Variants in RBMS3 observed in about 807,000 individuals in gnomAD.
RBMS3 encodes RNA binding motif single stranded interacting protein 3.
RBMS3 carries 27 observed loss-of-function variants against 66.8 expected under a neutral mutation model. That is an observed-to-expected ratio of 0.40 (90% CI 0.30 to 0.56). The LOEUF is 0.56. Among genes scored for constraint, RBMS3 ranks in the 20% least tolerant of loss-of-function variants. The probability of loss-of-function intolerance (pLI) is 0.40; values close to 1 mark genes in which losing one functional copy is unlikely to be tolerated. For missense variants in RBMS3, 513 were observed against 549.5 expected, an observed-to-expected ratio of 0.93 and a Z score of 0.66; for synonymous variants, 188 against 183.0, an observed-to-expected ratio of 1.03 and a Z score of -0.22.
intron 3 of RBMS3, among the ~76,000 whole-genome samples, chr3:29,543,827 T>C (rs1234265703): frequency 6.6e-6 from 1 of 152,190 alleles, no homozygotes; most frequent in Non-Finnish European, 1.5e-5. Context: ...AACTATAAGG[T>C]ACATCGTTTT....
chr3:29,904,231 T>C (rs1347878667), intron 10 of RBMS3, among the ~76,000 whole-genome samples: 1 of 151,908 alleles, frequency 6.6e-6, no homozygotes, highest in African/African-American at 2.4e-5. Flanking sequence ...TCAAAAGAAG[T>C]GTATAGAGTA....
intron 2 of RBMS3, among the ~76,000 whole-genome samples, chr3:29,462,847 C>G (rs1206430368): frequency 6.6e-6 from 1 of 152,068 alleles, no homozygotes; most frequent in Admixed American, 6.5e-5. Context: ...AATGAAGTGG[C>G]AATTATAAAT....
At chr3:29,445,793 T>C (rs986459166) in intron 2 of RBMS3, among the ~76,000 whole-genome samples, 1 of 152,190 alleles carries the variant, frequency 6.6e-6, no homozygotes, top group East Asian at 1.9e-4. Flanking sequence ...TTTTATTTCT[T>C]ATCTGTTGTC....
At chr3:29,890,238 C>A (rs556565048) in intron 8 of RBMS3, among the ~76,000 whole-genome samples, 192 of 151,728 alleles carry the variant, frequency 1.3e-3, no homozygotes, top group African/African-American at 4.5e-3. Flanking sequence ...AGATGTCACA[C>A]AAATATATAC....
rs775991743 is a variant in RBMS3 at position 29,868,877 on chromosome 3, G to A, written c.657G>A (p.Leu219=). Residue 219 remains leucine, a synonymous_variant, in exon 7 of 15, where the codon CTG becomes CTA. Coordinates refer to ENST00000383767, the MANE Select transcript of RBMS3 (RefSeq NM_001003793.3). ...TCCCAGCCCCCAGTGAGCCTTTGCT[G>A]TGCAAATTCGCTGATGGAGGACAAA... The part of the protein sequence containing the change: ...PGIPAPSEPL[L]CKFADGGQKK... 6.2e-7 allele frequency: 1 copy of A among 1,600,626 alleles called. No individual in the cohort carries two copies. Among genetic ancestry groups the A allele is most frequent in the South Asian group, 1.1e-5 (1 of 88,576 alleles).
chr3:29,342,875 G>T (rs960453116), intron 1 of RBMS3, among the ~76,000 whole-genome samples: 1 of 152,072 alleles, frequency 6.6e-6, no homozygotes, highest in African/African-American at 2.4e-5. Flanking sequence ...ATACAAAAAA[G>T]CCAAATAAAT....
rs142999485 is a variant in RBMS3, at chr3:29,830,631, A to G, written c.638-38227A>G. Among the ~76,000 whole-genome samples the G allele has an allele frequency of 6.6e-3, 1,012 of 152,266 alleles. 9 individuals carry two copies. The highest frequency in any genetic ancestry group is 0.022 in the African/African-American group (914 of 41,564). The stretch of plus-strand genomic sequence containing the variant: ...TCCGTTGATGATAATTTTAGTACTT[A>G]ACTAAAAACCATGGTTTTTTGACTC... On this transcript the variant is annotated intron_variant, in intron 6 of 14. Coordinates refer to ENST00000383767, the MANE Select transcript of RBMS3 (RefSeq NM_001003793.3).
At chr3:29,892,874 G>A (rs1175873858) in intron 8 of RBMS3, among the ~76,000 whole-genome samples, 5 of 100,844 alleles carry the variant, frequency 5.0e-5, no homozygotes, top group African/African-American at 2.4e-4. Context: ...TATTTTTAAT[G>A]TGATGCCTGT....
At chr3:29,879,498 G>A (rs905286623) in intron 7 of RBMS3, among the ~76,000 whole-genome samples, 7 of 151,944 alleles carry the variant, frequency 4.6e-5, no homozygotes, top group Middle Eastern at 3.2e-3. Context: ...TAGCTTCTTG[G>A]ACTCAACTTG....
At chr3:29,547,556 A>AG (rs2046007799) in intron 3 of RBMS3, among the ~76,000 whole-genome samples, 1 of 152,064 alleles carries the variant, frequency 6.6e-6, no homozygotes, top group South Asian at 2.1e-4. Flanking sequence ...CCAATCCTTA[A>AG]TAGTATTATT....
At chr3:29,647,285 C>CT (rs1365485112) in intron 4 of RBMS3, among the ~76,000 whole-genome samples, 1 of 152,120 alleles carries the variant, frequency 6.6e-6, no homozygotes, top group African/African-American at 2.4e-5. Flanking sequence ...GGCCTCTTTT[C>CT]TTTTTTATCA....
At chr3:29,646,894 A>C (rs537686643) in intron 4 of RBMS3, among the ~76,000 whole-genome samples, 16 of 152,284 alleles carry the variant, frequency 1.1e-4, no homozygotes, top group African/African-American at 3.4e-4. Context: ...TATCTTGCAT[A>C]TGTATCTTCC....
In RBMS3 at chr3:29,909,991, T is replaced by G. The variant is rs969007564; in HGVS notation, c.939+10236T>G. ...ATCTCCAGTGTGTCCTTGGATAGTATTTAGAATTTCTTCATTACTTCATCA... is the reference window on the plus strand; with the variant it reads ...ATCTCCAGTGTGTCCTTGGATAGTAGTTAGAATTTCTTCATTACTTCATCA... On this transcript the variant is annotated intron_variant, in intron 10 of 14. Transcript: ENST00000383767. Among the ~76,000 whole-genome samples the G allele has an allele frequency of 6.6e-5, 10 of 152,140 alleles. 1 individual carries two copies. Among genetic ancestry groups the G allele is most frequent in the African/African-American group, 2.4e-4 (10 of 41,428 alleles).
intron 4 of RBMS3, among the ~76,000 whole-genome samples, chr3:29,725,302 C>T (rs561541769): frequency 1.1e-4 from 16 of 152,114 alleles, no homozygotes; most frequent in East Asian, 7.7e-4. Context: ...TTCTAACTTA[C>T]GAGTTTTTTA....
At chr3:29,447,132 C>T (rs1283419652) in intron 2 of RBMS3, among the ~76,000 whole-genome samples, 2 of 151,926 alleles carry the variant, frequency 1.3e-5, no homozygotes, top group South Asian at 2.1e-4. Flanking sequence ...AGGCTGGTCT[C>T]GAACTCCTGA....
chr3:29,851,511 A>G (rs1373656787), intron 6 of RBMS3, among the ~76,000 whole-genome samples: 2 of 152,200 alleles, frequency 1.3e-5, no homozygotes, highest in African/African-American at 4.8e-5. Flanking sequence ...GTTTCAACTC[A>G]AAAACAGGTA....
intron 1 of RBMS3, among the ~76,000 whole-genome samples, chr3:29,386,646 A>G (rs2039022507): frequency 2.0e-5 from 3 of 152,190 alleles, no homozygotes; most frequent in Admixed American, 2.0e-4. Context: ...TTCTACCAGC[A>G]TACAGACATG....
At chr3:29,726,240 G>A (rs563987391) in intron 4 of RBMS3, among the ~76,000 whole-genome samples, 20 of 152,076 alleles carry the variant, frequency 1.3e-4, no homozygotes, top group Admixed American at 3.9e-4. Context: ...TGACAAACCC[G>A]TAGCCAATAT....
At chr3:29,341,131 A>G (rs190218533) in intron 1 of RBMS3, among the ~76,000 whole-genome samples, 2 of 152,244 alleles carry the variant, frequency 1.3e-5, no homozygotes, top group African/African-American at 4.8e-5. Flanking sequence ...TTGTAGAAAT[A>G]AAAATCCATA....
Sources: allele counts gnomAD v4.1 joint callset (sites outside exome capture counted in the v4.1 genomes callset), GRCh38; gene constraint gnomAD v4.1.1; transcripts MANE v1.5; gene names NCBI Gene and HGNC (gene_info 2026-07-23, HGNC 2026-07-21).